The following BSND variants were observed in gnomAD, a reference collection of about 807,000 sequenced individuals.
BSND encodes the protein barttin.
BSND carries 13 observed loss-of-function variants against 18.8 expected under a neutral mutation model. The observed-to-expected ratio is 0.69, with a 90% confidence interval of 0.45 to 1.10. BSND has a LOEUF of 1.10. Among genes scored for constraint, BSND ranks in the 50% least tolerant of loss-of-function variants. The pLI, the probability that BSND is intolerant of heterozygous loss-of-function variation, is 0.00. For synonymous variants in BSND, 170 were observed against 161.8 expected (o/e 1.05, Z -0.39); for missense variants, 379 against 416.7 (o/e 0.91, Z 0.79).
rs1644447929 is a variant in BSND at position 55,015,935 on chromosome 1, GCCTCCAGC to G, written c.*7311_*7318del. On this transcript the variant is annotated 3_prime_UTR_variant, in exon 4 of 4. Coordinates refer to ENST00000651561, the MANE Select transcript of BSND (RefSeq NM_057176.3). ...AGGGAGGGAGAACAGCTTGGGCGAA[GCCTCCAGC>G]CCTGAGCCACCCCACCACGTTCCAG... Among the ~76,000 whole-genome samples the G allele has an allele frequency of 6.6e-6, 1 of 152,234 alleles. No homozygotes were observed. Among genetic ancestry groups the G allele is most frequent in the Non-Finnish European group, 1.5e-5 (1 of 68,038 alleles).
chr1:55,015,532 C>A lies in BSND; in HGVS notation c.*6904C>A, dbSNP rs577481837. Reference sequence around the variant, plus strand: ...CCTGCACATCCCGGAGAAGAGCAGACACGGTGTGGTGGGTAGGTGGATGAG... The same window carrying A: ...CCTGCACATCCCGGAGAAGAGCAGAAACGGTGTGGTGGGTAGGTGGATGAG... On this transcript the variant is annotated 3_prime_UTR_variant, in exon 4 of 4. Transcript: ENST00000651561. Among the ~76,000 whole-genome samples, 6 of 152,328 alleles carry A rather than the reference C, an allele frequency of 3.9e-5. No homozygotes were observed. Among genetic ancestry groups the A allele is most frequent in the African/African-American group, 1.4e-4 (6 of 41,582 alleles).
Position 55,012,301 on chromosome 1 carries a change from C to T in BSND, c.*3673C>T, listed in dbSNP as rs766067386. On this transcript the variant is annotated 3_prime_UTR_variant, in exon 4 of 4. Transcript: ENST00000651561. ...TGCCTGTCACCATGCAAGACACCGT[C>T]ACCCCTATTACCCTATCTAGTCCGT... is the stretch of plus-strand genomic sequence containing the variant. 6.6e-4 allele frequency among the ~76,000 whole-genome samples: 101 copies of T among 152,208 alleles called. No homozygotes were observed. Among genetic ancestry groups the T allele is most frequent in the Non-Finnish European group, 1.2e-3 (84 of 68,032 alleles).
intron 3 of BSND, among the ~76,000 whole-genome samples, chr1:55,007,578 G>A (rs1644398212): frequency 1.3e-5 from 2 of 152,188 alleles, no homozygotes; most frequent in African/African-American, 4.8e-5. Context: ...GGTTGGGACA[G>A]TGCATTTAAG....
chr1:55,006,300 C>T (rs1644391297), intron 2 of BSND, among the ~76,000 whole-genome samples: 1 of 152,160 alleles, frequency 6.6e-6, no homozygotes, highest in Non-Finnish European at 1.5e-5. Context: ...GGGTTCTGAG[C>T]TCTTCCCAGT....
rs1644446971 is a variant in BSND, at chr1:55,015,751, C to A, written c.*7123C>A. Reference sequence around the variant, plus strand: ...TGACCCATGCTTGTCTTGGGGGAACCTCTACTACCCCGGGCTAACTGCAGA... The same window carrying A: ...TGACCCATGCTTGTCTTGGGGGAACATCTACTACCCCGGGCTAACTGCAGA... On this transcript the variant is annotated 3_prime_UTR_variant, in exon 4 of 4. Coordinates refer to ENST00000651561, the MANE Select transcript of BSND (RefSeq NM_057176.3). Among the ~76,000 whole-genome samples, 1 of 152,170 alleles carries A rather than the reference C, an allele frequency of 6.6e-6. No homozygotes were observed. Among genetic ancestry groups the A allele is most frequent in the Admixed American group, 6.5e-5 (1 of 15,272 alleles).
In BSND at chr1:55,013,939, C is replaced by T. The variant is rs576205787; in HGVS notation, c.*5311C>T. On this transcript the variant is annotated 3_prime_UTR_variant, in exon 4 of 4. Transcript: ENST00000651561. ...TCCCCTTCTCTGTCATCCCTCAAAC[C>T]CTACCTGTTCCCTGGAGCCTGAATT... is the stretch of plus-strand genomic sequence containing the variant. Among the ~76,000 whole-genome samples the T allele has an allele frequency of 2.6e-5, 4 of 152,040 alleles. No individual in the cohort carries two copies. The highest frequency in any genetic ancestry group is 4.8e-5 in the African/African-American group (2 of 41,432).
In BSND at chr1:55,005,019, C is replaced by A; in HGVS notation, c.178-3C>A. ...ACAGAGGCTGTCTCTCCTTTGCTTGCAGATCACCTTCGTCCCTGCTGACTC... is the reference window on the plus strand; with the variant it reads ...ACAGAGGCTGTCTCTCCTTTGCTTGAAGATCACCTTCGTCCCTGCTGACTC... On this transcript the variant is annotated splice_polypyrimidine_tract_variant and splice_region_variant and intron_variant, in intron 1 of 3. Coordinates refer to ENST00000651561, the MANE Select transcript of BSND (RefSeq NM_057176.3). 6.2e-7 allele frequency: 1 copy of A among 1,614,094 alleles called. No individual in the cohort carries two copies. Among genetic ancestry groups the A allele is most frequent in the Non-Finnish European group, 8.5e-7 (1 of 1,179,936 alleles).
rs779117680 is a variant in BSND, at chr1:55,012,834, A to G, written c.*4206A>G. Among the ~76,000 whole-genome samples, 4 of 152,150 alleles carry G rather than the reference A, an allele frequency of 2.6e-5. No homozygotes were observed. Among genetic ancestry groups the G allele is most frequent in the Admixed American group, 2.0e-4 (3 of 15,282 alleles). ...AGGGGAGCAGCATGCTGAGTGAGAG[A>G]GGCAGCACCCTGGAAGCTTGGAGGA... is the stretch of plus-strand genomic sequence containing the variant. On this transcript the variant is annotated 3_prime_UTR_variant, in exon 4 of 4. Transcript: ENST00000651561.
chr1:55,010,566 G>A lies in BSND; in HGVS notation c.*1938G>A, dbSNP rs1644417382. 1 of 151,592 alleles carries A rather than the reference G, an allele frequency of 6.6e-6. No individual in the cohort carries two copies. Among genetic ancestry groups the A allele is most frequent in the Non-Finnish European group, 1.5e-5 (1 of 68,110 alleles). The allele number at this position is 151,592 out of a possible 1,614,324, so 9.4% of individuals were successfully genotyped here. On this transcript the variant is annotated 3_prime_UTR_variant, in exon 4 of 4. Transcript: ENST00000651561. ...GGCTGGGGTTCCCGGCCTAGGGAAG[G>A]GCTTCCGGGTTGAGGCCGGGGGTCC...
At chr1:55,005,255 T>C in intron 2 of BSND, 139 bp downstream of exon 2, 1 of 732,480 alleles carries the variant, frequency 1.4e-6, no homozygotes. Context: ...ATGGACTGTT[T>C]TCAACTCTCA....
chr1:55,005,163 CAGTCTCCCCTGACTG>C, intron 2 of BSND, 47 bp downstream of exon 2: 4 of 1,563,856 alleles, frequency 2.6e-6, no homozygotes, highest in Non-Finnish European at 3.5e-6. Context: ...CCCCATAGGC[CAGTCTCCCCTGACTG>C]AGGAGAGTGA....
intron 1 of BSND, among the ~76,000 whole-genome samples, chr1:55,003,311 C>A (rs1644372947): frequency 6.6e-6 from 1 of 152,142 alleles, no homozygotes; most frequent in Non-Finnish European, 1.5e-5. Flanking sequence ...GCCTCGAACT[C>A]CTGGGATCAA....
Position 54,999,213 on chromosome 1 carries a change from C to A in BSND, c.27C>A (p.Ile9=). 1.2e-6 allele frequency: 2 copies of A among 1,614,132 alleles called. No individual in the cohort carries two copies. The highest frequency in any genetic ancestry group is 1.7e-6 in the Non-Finnish European group (2 of 1,180,022). MADEKTFR[I]GFIVLGLFLL... ...TGGCTGACGAGAAGACCTTCCGGAT[C>A]GGCTTCATTGTGCTGGGGCTTTTCC... Residue 9 remains isoleucine, a synonymous_variant, in exon 1 of 4, where the codon ATC becomes ATA. Transcript: ENST00000651561.
At position 55,015,134 on chromosome 1, in the gene BSND, T is replaced by C. The variant is rs1375885433; in HGVS notation, c.*6506T>C. On this transcript the variant is annotated 3_prime_UTR_variant, in exon 4 of 4. Coordinates refer to ENST00000651561, the MANE Select transcript of BSND (RefSeq NM_057176.3). ...ACATGAAAGAAACATTCAGGTCATA[T>C]ACTAACAGATACAAAAGGGAAAGGT... is the stretch of plus-strand genomic sequence containing the variant. 6.6e-6 allele frequency among the ~76,000 whole-genome samples: 1 copy of C among 152,206 alleles called. No individual in the cohort carries two copies. The highest frequency in any genetic ancestry group is 2.4e-5 in the African/African-American group (1 of 41,440).
At chr1:55,002,039 G>A (rs1398724900) in intron 1 of BSND, among the ~76,000 whole-genome samples, 2 of 152,170 alleles carry the variant, frequency 1.3e-5, no homozygotes, top group East Asian at 1.9e-4. Flanking sequence ...CCAGAAGAAG[G>A]AAGGTCTGGG....
At chr1:55,007,424 C>A in intron 3 of BSND, 152 bp downstream of exon 3, 2 of 1,060,406 alleles carry the variant, frequency 1.9e-6, no homozygotes, top group Non-Finnish European at 2.7e-6. Flanking sequence ...GCAGATGTGG[C>A]AGACAAATGA....
At chr1:55,004,890 T>G (rs1644381754) in intron 1 of BSND, 132 bp from the exon 2 acceptor site, 1 of 786,410 alleles carries the variant, frequency 1.3e-6, no homozygotes, top group African/African-American at 1.7e-5. Context: ...GCCCCTCTCC[T>G]GTCAAGCAGG....
At chr1:54,999,489 G>A in intron 1 of BSND, 126 bp downstream of exon 1, 1 of 999,944 alleles carries the variant, frequency 1.0e-6, no homozygotes, top group Non-Finnish European at 1.4e-6. Flanking sequence ...TTTTGACTCG[G>A]TCTTCTCTCT....
chr1:55,003,442 C>G lies in BSND; in HGVS notation c.178-1580C>G, dbSNP rs148284018. 8.2e-3 allele frequency among the ~76,000 whole-genome samples: 1,255 copies of G among 152,164 alleles called. 22 individuals carry two copies. Among genetic ancestry groups the G allele is most frequent in the African/African-American group, 0.029 (1,195 of 41,526 alleles). ...GTAGAGACAGCGTCTTTCTTCATTG[C>G]CCAGGAGCTCTGTTTTATTTCTGGA... On this transcript the variant is annotated intron_variant, in intron 1 of 3. Transcript: ENST00000651561.
Sources: allele counts gnomAD v4.1 joint callset (sites outside exome capture counted in the v4.1 genomes callset), GRCh38; gene constraint gnomAD v4.1.1; transcripts MANE v1.5; gene names NCBI Gene and HGNC (gene_info 2026-07-23, HGNC 2026-07-21).